Variants in ANKRD31 observed in about 807,000 individuals in gnomAD.
ANKRD31 encodes ankyrin repeat domain-containing protein 31.
A neutral mutation model predicts 186.0 loss-of-function variants in ANKRD31; 147 were observed. The observed-to-expected ratio is 0.79, with a 90% CI of 0.69 to 0.91. The LOEUF (loss-of-function observed/expected upper bound fraction) is 0.91. ANKRD31 is among the 40% of genes least tolerant of loss of function. The pLI is 0.00. For synonymous variants in ANKRD31, 673 were observed against 736.4 expected (o/e 0.91, Z 1.39); for missense variants, 1,986 against 2,148.8 (o/e 0.92, Z 1.50).
intron 3 of ANKRD31, among the ~76,000 whole-genome samples, chr5:75,216,780 C>G (rs1756986556): frequency 6.6e-6 from 1 of 151,982 alleles, no homozygotes; most frequent in Admixed American, 6.6e-5. Context: ...AAGGTGCTAA[C>G]AGAATCATCC....
At chr5:75,130,775 T>A (rs1749729195) in intron 17 of ANKRD31, among the ~76,000 whole-genome samples, 1 of 152,166 alleles carries the variant, frequency 6.6e-6, no homozygotes. Flanking sequence ...GAGCACTGAT[T>A]GGTGCGTTTA....
intron 17 of ANKRD31, among the ~76,000 whole-genome samples, chr5:75,133,735 C>A (rs62534505): frequency 6.6e-6 from 1 of 152,168 alleles, no homozygotes; most frequent in East Asian, 1.9e-4. Context: ...CCACACCACA[C>A]CTATTCCAAA....
Position 75,236,700 on chromosome 5 carries a change from T to G in ANKRD31, c.-14A>C, listed in dbSNP as rs1561561032. 2.0e-6 allele frequency: 3 copies of G among 1,534,302 alleles called. No homozygotes were observed. Among genetic ancestry groups the G allele is most frequent in the East Asian group, 2.5e-5 (1 of 40,634 alleles). Reference sequence around the variant, plus strand: ...GCCTTCCTCCATCTTTGCCTCACATTCAAAGTCTTTTTTACCCTCCTCTAA... The same window carrying G: ...GCCTTCCTCCATCTTTGCCTCACATGCAAAGTCTTTTTTACCCTCCTCTAA... On this transcript the variant is annotated 5_prime_UTR_variant, in exon 1 of 26. Coordinates refer to ENST00000506364, the MANE Select transcript of ANKRD31 (RefSeq NM_001372053.1).
chr5:75,080,999 G>C (rs1021232262), intron 24 of ANKRD31, among the ~76,000 whole-genome samples: 8 of 152,120 alleles, frequency 5.3e-5, no homozygotes, highest in Non-Finnish European at 8.8e-5. Flanking sequence ...ATGCAGAAGA[G>C]GGAGAAAGAT....
chr5:75,172,510 A>C (rs1303033830), intron 10 of ANKRD31, among the ~76,000 whole-genome samples: 1 of 152,144 alleles, frequency 6.6e-6, no homozygotes, highest in Non-Finnish European at 1.5e-5. Flanking sequence ...TAAAGAAGAA[A>C]AGAGAGATGA....
At chr5:75,080,387 G>A (rs1744991686) in intron 25 of ANKRD31, among the ~76,000 whole-genome samples, 181 bp downstream of exon 25, 1 of 152,124 alleles carries the variant, frequency 6.6e-6, no homozygotes, top group African/African-American at 2.4e-5. Context: ...GTTCATAAAA[G>A]TTCTCTGAAA....
At chr5:75,164,574 A>G (rs990649697) in intron 11 of ANKRD31, among the ~76,000 whole-genome samples, 2 of 152,024 alleles carry the variant, frequency 1.3e-5, no homozygotes, top group Non-Finnish European at 2.9e-5. Flanking sequence ...TGGCGAAAGG[A>G]CTGCCAAAGT....
At chr5:75,134,273 C>T (rs9699452) in intron 17 of ANKRD31, among the ~76,000 whole-genome samples, 1 of 151,872 alleles carries the variant, frequency 6.6e-6, no homozygotes, top group South Asian at 2.1e-4. Context: ...ACTAGGAAAA[C>T]TAATAAAGAA....
chr5:75,108,944 T>C (rs796981174), intron 20 of ANKRD31, among the ~76,000 whole-genome samples: 4 of 152,218 alleles, frequency 2.6e-5, no homozygotes, highest in African/African-American at 9.6e-5. Context: ...AAATATTCTG[T>C]ATGTTTCTCT....
chr5:75,178,012 A>G (rs1428743578), intron 10 of ANKRD31, among the ~76,000 whole-genome samples: 1 of 152,182 alleles, frequency 6.6e-6, no homozygotes, highest in Non-Finnish European at 1.5e-5. Flanking sequence ...AGACACACAT[A>G]GGCTCAAAAT....
intron 23 of ANKRD31, among the ~76,000 whole-genome samples, chr5:75,084,586 T>C (rs1745339588): frequency 6.6e-6 from 1 of 152,192 alleles, no homozygotes; most frequent in Non-Finnish European, 1.5e-5. Context: ...TTACTTAACA[T>C]CTATGGCTGC....
intron 1 of ANKRD31, 59 bp from the exon 2 acceptor site, chr5:75,230,694 A>AT: frequency 1.6e-6 from 2 of 1,277,666 alleles, no homozygotes; most frequent in Non-Finnish European, 2.2e-6. Context: ...AAAGACTAAC[A>AT]TTTTACCCAT....
intron 24 of ANKRD31, among the ~76,000 whole-genome samples, chr5:75,080,951 C>T (rs1477327746): frequency 6.6e-6 from 1 of 151,876 alleles, no homozygotes; most frequent in Non-Finnish European, 1.5e-5. Context: ...CTGGTCTCTA[C>T]AGTGTCAGAG....
chr5:75,186,042 A>G (rs1310469992), intron 10 of ANKRD31, among the ~76,000 whole-genome samples: 1 of 152,176 alleles, frequency 6.6e-6, no homozygotes, highest in African/African-American at 2.4e-5. Flanking sequence ...GCCACTGAAG[A>G]CCACAGAAAT....
chr5:75,097,479 A>G (rs1746423592), intron 22 of ANKRD31, among the ~76,000 whole-genome samples: 1 of 152,104 alleles, frequency 6.6e-6, no homozygotes, highest in South Asian at 2.1e-4. Context: ...GTGTCTGTTC[A>G]TATCCTTCAC....
intron 3 of ANKRD31, among the ~76,000 whole-genome samples, chr5:75,213,686 G>A (rs1028516814): frequency 2.0e-5 from 3 of 152,138 alleles, no homozygotes; most frequent in Admixed American, 1.3e-4. Context: ...CCATTAAACC[G>A]TAGAGTTTTC....
intron 15 of ANKRD31, among the ~76,000 whole-genome samples, chr5:75,139,411 T>C (rs1039016305): frequency 1.3e-5 from 2 of 152,222 alleles, no homozygotes; most frequent in African/African-American, 4.8e-5. Context: ...CCTATGGTTT[T>C]CCATTTTTCT....
intron 19 of ANKRD31, among the ~76,000 whole-genome samples, 191 bp from the exon 20 acceptor site, chr5:75,112,791 G>A (rs553128971): frequency 3.9e-5 from 6 of 152,218 alleles, no homozygotes; most frequent in African/African-American, 1.4e-4. Flanking sequence ...TTGAACAAAA[G>A]CAAACAAATA....
intron 24 of ANKRD31, among the ~76,000 whole-genome samples, chr5:75,082,375 A>AT (rs956495128): frequency 8.5e-5 from 13 of 152,210 alleles, no homozygotes; most frequent in Admixed American, 6.5e-4. Context: ...CAGTATCATC[A>AT]TTTTTTGTTT....
Sources: gnomAD v4.1 joint callset for allele counts (sites outside exome capture counted in the v4.1 genomes callset) on GRCh38, gnomAD v4.1.1 for gene constraint, MANE v1.5 for transcripts, NCBI Gene and HGNC (gene_info 2026-07-23, HGNC 2026-07-21) for gene names.